The following PPP3CA variants were observed in gnomAD, a reference collection of about 807,000 sequenced individuals.
PPP3CA encodes CAM-PRP catalytic subunit.
PPP3CA carries 14 observed loss-of-function variants against 66.5 expected under a neutral mutation model. That is an observed-to-expected ratio of 0.21 (90% confidence interval 0.14 to 0.33). The LOEUF (loss-of-function observed/expected upper bound fraction) is 0.33. PPP3CA is among the 10% of genes least tolerant of loss of function. PPP3CA has a pLI of 1.00. For missense variants in PPP3CA, 317 were observed against 639.5 expected, an observed-to-expected ratio of 0.50 and a Z score of 5.44; for synonymous variants, 232 against 226.2, an observed-to-expected ratio of 1.03 and a Z score of -0.23.
At chr4:101,120,809 A>G (rs1340886394) in intron 2 of PPP3CA, among the ~76,000 whole-genome samples, 1 of 152,092 alleles carries the variant, frequency 6.6e-6, no homozygotes, top group East Asian at 1.9e-4. Flanking sequence ...TCTATAAAAC[A>G]AATAGGTGTC....
At position 101,338,161 on chromosome 4, in the gene PPP3CA, A is replaced by T. The variant is rs539441838; in HGVS notation, c.58+8578T>A. Among the ~76,000 whole-genome samples the T allele has an allele frequency of 7.9e-5, 12 of 152,312 alleles. No individual in the cohort carries two copies. In the South Asian group the frequency reaches 2.3e-3, roughly 29 times the overall value. ...ACCATCACTCACCTTTGAGGAAATC[A>T]ACCTATACACCTTGTGACAATAATC... On this transcript the variant is annotated intron_variant, in intron 1 of 13. Coordinates refer to ENST00000394854, the MANE Select transcript of PPP3CA (RefSeq NM_000944.5).
intron 1 of PPP3CA, among the ~76,000 whole-genome samples, chr4:101,273,432 T>C (rs1049043040): frequency 2.0e-5 from 3 of 152,170 alleles, no homozygotes; most frequent in Non-Finnish European, 1.5e-5. Flanking sequence ...GTTCAAGCTA[T>C]TCTCCTGCCT....
At chr4:101,131,751 AC>A (rs1247979307) in intron 2 of PPP3CA, among the ~76,000 whole-genome samples, 1 of 152,218 alleles carries the variant, frequency 6.6e-6, no homozygotes, top group Non-Finnish European at 1.5e-5. Context: ...GACCAAGCAG[AC>A]CTAATAGACA....
At chr4:101,211,087 T>C (rs1725284023) in intron 1 of PPP3CA, among the ~76,000 whole-genome samples, 2 of 152,194 alleles carry the variant, frequency 1.3e-5, no homozygotes, top group African/African-American at 2.4e-5. Flanking sequence ...GGTACTATTA[T>C]TCTACTTTTT....
At chr4:101,040,451 T>G (rs1258592853) in intron 11 of PPP3CA, 31 bp downstream of exon 11, 2 of 1,503,350 alleles carry the variant, frequency 1.3e-6, no homozygotes, top group African/African-American at 2.8e-5. Context: ...TAATACAATT[T>G]GAAACAAAAA....
chr4:101,212,961 C>G (rs573154747), intron 1 of PPP3CA, among the ~76,000 whole-genome samples: 1 of 152,186 alleles, frequency 6.6e-6, no homozygotes, highest in East Asian at 1.9e-4. Context: ...GTTGGTATCT[C>G]AGAGGATGAT....
chr4:101,124,741 A>AG (rs1722176936), intron 2 of PPP3CA, among the ~76,000 whole-genome samples: 1 of 93,220 alleles, frequency 1.1e-5, no homozygotes, highest in Non-Finnish European at 2.1e-5. Flanking sequence ...GAAAGAAAGA[A>AG]AGAAAGAAAG....
At chr4:101,104,611 TA>T (rs1730580013) in intron 3 of PPP3CA, among the ~76,000 whole-genome samples, 3 of 152,176 alleles carry the variant, frequency 2.0e-5, no homozygotes, top group Admixed American at 2.0e-4. Context: ...GGAACGTATT[TA>T]CATGTTCCTT....
intron 6 of PPP3CA, among the ~76,000 whole-genome samples, chr4:101,088,485 T>C (rs1729769218): frequency 6.9e-6 from 1 of 145,834 alleles, no homozygotes; most frequent in Non-Finnish European, 1.5e-5. Flanking sequence ...CTCGGGAAGC[T>C]GAGGCAGGAG....
At chr4:101,115,151 CTT>C (rs1721801060) in intron 2 of PPP3CA, among the ~76,000 whole-genome samples, 1 of 151,998 alleles carries the variant, frequency 6.6e-6, no homozygotes, top group South Asian at 2.1e-4. Flanking sequence ...ACAAGGGACT[CTT>C]TGTAGTTAGC....
chr4:101,101,387 A>G (rs750453116), intron 3 of PPP3CA, among the ~76,000 whole-genome samples: 3 of 152,200 alleles, frequency 2.0e-5, no homozygotes, highest in Non-Finnish European at 4.4e-5. Flanking sequence ...TTCATAAACT[A>G]TTATTAATGT....
intron 2 of PPP3CA, among the ~76,000 whole-genome samples, chr4:101,139,829 T>A (rs778712520): frequency 2.4e-4 from 37 of 151,862 alleles, no homozygotes; most frequent in Non-Finnish European, 5.0e-4. Context: ...TTCTATTGGC[T>A]TGGGGTGTAA....
chr4:101,275,129 G>T (rs183389156), intron 1 of PPP3CA, among the ~76,000 whole-genome samples: 3 of 152,006 alleles, frequency 2.0e-5, no homozygotes, highest in African/African-American at 7.3e-5. Context: ...CATACTTAAC[G>T]GTATATATTC....
At chr4:101,151,174 T>C (rs1193924065) in intron 2 of PPP3CA, among the ~76,000 whole-genome samples, 4 of 152,214 alleles carry the variant, frequency 2.6e-5, no homozygotes, top group Non-Finnish European at 4.4e-5. Context: ...GGACCTTCAG[T>C]CAAGATTTGA....
intron 1 of PPP3CA, among the ~76,000 whole-genome samples, chr4:101,319,661 A>G (rs1457333664): frequency 6.6e-6 from 1 of 152,172 alleles, no homozygotes; most frequent in Admixed American, 6.6e-5. Flanking sequence ...AAATCTCACA[A>G]ATCAGTTAAA....
At chr4:101,102,553 C>T (rs1388892418) in intron 3 of PPP3CA, among the ~76,000 whole-genome samples, 1 of 152,046 alleles carries the variant, frequency 6.6e-6, no homozygotes, top group East Asian at 1.9e-4. Flanking sequence ...GAGGTGGAGC[C>T]CTGCCAGCAT....
At chr4:101,275,822 G>A (rs550093312) in intron 1 of PPP3CA, among the ~76,000 whole-genome samples, 53 of 148,896 alleles carry the variant, frequency 3.6e-4, no homozygotes, top group African/African-American at 1.3e-3. Flanking sequence ...TTGGGGTGGT[G>A]TGGTTTTTTT....
intron 1 of PPP3CA, among the ~76,000 whole-genome samples, chr4:101,279,204 T>A (rs1343854447): frequency 6.6e-6 from 1 of 151,690 alleles, no homozygotes; most frequent in Non-Finnish European, 1.5e-5. Context: ...ACACACACAA[T>A]TCAATTACAT....
rs144274493 is a variant in PPP3CA, at chr4:101,083,803, T to C, written c.783-540A>G. ...TCCCATACGGTGGGAAATCAAGTTA[T>C]TGCTTTATCTAACATTATGGGTACA... On this transcript the variant is annotated intron_variant, in intron 6 of 13. Transcript: ENST00000394854. 2.5e-3 allele frequency among the ~76,000 whole-genome samples: 382 copies of C among 152,294 alleles called. 2 individuals carry two copies. Among genetic ancestry groups the C allele is most frequent in the Non-Finnish European group, 4.6e-3 (313 of 68,014 alleles).
Sources: allele counts gnomAD v4.1 joint callset (sites outside exome capture counted in the v4.1 genomes callset), GRCh38; gene constraint gnomAD v4.1.1; transcripts MANE v1.5; gene names NCBI Gene and HGNC (gene_info 2026-07-23, HGNC 2026-07-21).